The following RIMS1 variants were observed in gnomAD, a reference collection of about 807,000 sequenced individuals.
The protein encoded by RIMS1 is regulating synaptic membrane exocytosis 1.
A neutral mutation model predicts 214.1 loss-of-function variants in RIMS1; 83 were observed. The ratio of observed to expected loss-of-function variants is 0.39; its 90% CI spans 0.32 to 0.47. The LOEUF (loss-of-function observed/expected upper bound fraction) is 0.47, where lower values mean the gene tolerates loss of function less well. RIMS1 is among the 20% of genes least tolerant of loss of function. The pLI is 0.99. For synonymous variants in RIMS1, 793 were observed against 786.8 expected (o/e 1.01, Z -0.13); for missense variants, 2,050 against 2,161.8 (o/e 0.95, Z 1.03).
rs1188387045 is a variant in RIMS1 at position 72,182,758 on chromosome 6, GGCTGAGAGAACT to G, written c.1290_1301del (p.Arg432_Glu435del). 6.5e-7 allele frequency: 1 copy of G among 1,543,862 alleles called. No homozygotes were observed. The highest frequency in any genetic ancestry group is 2.4e-5 in the East Asian group (1 of 41,026). On this transcript the variant is annotated inframe_deletion, in exon 6 of 34. Transcript: ENST00000521978. ...CGCCGGACTCGCCGCGGGCTTACTC[GGCTGAGAGAACT>G]GCGGAGACCAGGGCGCCGGGCGCCA...
intron 4 of RIMS1, among the ~76,000 whole-genome samples, chr6:72,125,641 C>T (rs2039355083): frequency 6.6e-6 from 1 of 152,214 alleles, no homozygotes; most frequent in South Asian, 2.1e-4. Context: ...GTGGGGTCCA[C>T]CCAGTTCGAG....
intron 2 of RIMS1, among the ~76,000 whole-genome samples, chr6:72,026,245 T>A (rs1187319710): frequency 6.6e-6 from 1 of 152,202 alleles, no homozygotes; most frequent in Admixed American, 6.5e-5. Context: ...GTATTGGGCC[T>A]GAAAGAGCAC....
chr6:72,333,686 A>G lies in RIMS1; in HGVS notation c.4217A>G (p.Tyr1406Cys), dbSNP rs2096746633. The G allele has an allele frequency of 1.9e-6, 3 of 1,594,982 alleles. No individual in the cohort carries two copies. Among genetic ancestry groups the G allele is most frequent in the East Asian group, 2.3e-5 (1 of 43,834 alleles). ...AGCACCAGTGTCAGTGGAGAGATGT[A>G]CACACTGGAGCATAATGACGGCAGC... Reference protein sequence around the residue: ...MKSTSVSGEMYTLEHNDGSQS... With the variant: ...MKSTSVSGEMCTLEHNDGSQS... The change falls in exon 29 of 34, where the codon TAC (tyrosine) becomes TGC (cysteine). Residue 1406 changes from tyrosine (Y) to cysteine (C), a missense_variant. Physicochemically the swap from Tyr to Cys is radical, Grantham distance 194. Coordinates refer to ENST00000521978, the MANE Select transcript of RIMS1 (RefSeq NM_014989.7).
At chr6:72,029,233 T>C (rs1478272084) in intron 2 of RIMS1, among the ~76,000 whole-genome samples, 1 of 152,166 alleles carries the variant, frequency 6.6e-6, no homozygotes, top group African/African-American at 2.4e-5. Flanking sequence ...CAGCAAATAT[T>C]TGGATCAAAT....
intron 9 of RIMS1, among the ~76,000 whole-genome samples, chr6:72,241,736 T>A (rs995037190): frequency 2.6e-5 from 4 of 152,208 alleles, no homozygotes; most frequent in African/African-American, 9.6e-5. Flanking sequence ...AATTTTGCCA[T>A]AGCTACCTGC....
chr6:72,196,580 C>CTTT lies in RIMS1; in HGVS notation c.1678+13452_1678+13454dup, dbSNP rs61651151. Among the ~76,000 whole-genome samples the CTTT allele has an allele frequency of 1.9e-3, 109 of 57,206 alleles. 15 individuals carry two copies. The highest frequency in any genetic ancestry group is 6.0e-3 in the African/African-American group (76 of 12,668). 37.5% of individuals were successfully genotyped at this position (57,206 alleles called of 152,430 possible). ...AGTACTGTGCTGGCAGCCAGCTGCA[C>CTTT]TTTTTTTTTTTTTTTTTTTTTTTAC... is the stretch of plus-strand genomic sequence containing the variant. On this transcript the variant is annotated intron_variant, in intron 6 of 33. Transcript: ENST00000521978.
At chr6:72,172,249 T>C (rs1313835956) in intron 4 of RIMS1, among the ~76,000 whole-genome samples, 1 of 150,728 alleles carries the variant, frequency 6.6e-6, no homozygotes, top group Non-Finnish European at 1.5e-5. Context: ...TGGTAAATGA[T>C]CAAAAAAATA....
intron 29 of RIMS1, among the ~76,000 whole-genome samples, chr6:72,356,012 T>C (rs2097627125): frequency 6.6e-6 from 1 of 152,224 alleles, no homozygotes; most frequent in Admixed American, 6.5e-5. Context: ...ATCATTGACG[T>C]AATTCTTCCA....
intron 4 of RIMS1, among the ~76,000 whole-genome samples, chr6:72,173,546 ATTC>A (rs2047320000): frequency 6.6e-6 from 1 of 151,196 alleles, no homozygotes; most frequent in Non-Finnish European, 1.5e-5. Flanking sequence ...TTTCTTTTAA[ATTC>A]TTCTTTTATT....
At chr6:72,390,903 C>T in intron 30 of RIMS1, 167 bp downstream of exon 30, 1 of 574,398 alleles carries the variant, frequency 1.7e-6, no homozygotes, top group Non-Finnish European at 2.9e-6. Context: ...CACATGGACA[C>T]ACCTCTACAC....
intron 29 of RIMS1, among the ~76,000 whole-genome samples, chr6:72,346,522 A>T (rs2097271039): frequency 6.6e-6 from 1 of 151,718 alleles, no homozygotes; most frequent in Admixed American, 6.6e-5. Flanking sequence ...ATGAACTCCC[A>T]GAAGTATGTT....
intron 2 of RIMS1, among the ~76,000 whole-genome samples, chr6:71,992,945 G>A (rs1802340909): frequency 6.6e-6 from 1 of 152,216 alleles, no homozygotes; most frequent in South Asian, 2.1e-4. Flanking sequence ...ACAGGTGTGA[G>A]CCACCATGTC....
chr6:72,319,366 G>A (rs1039469722), intron 28 of RIMS1, among the ~76,000 whole-genome samples: 1 of 152,122 alleles, frequency 6.6e-6, no homozygotes, highest in Admixed American at 6.5e-5. Flanking sequence ...AATGTGGGAG[G>A]TAAAGGTTGA....
chr6:72,025,339 T>C (rs1816097975), intron 2 of RIMS1, among the ~76,000 whole-genome samples: 1 of 152,188 alleles, frequency 6.6e-6, no homozygotes, highest in Admixed American at 6.5e-5. Flanking sequence ...CACTCACACA[T>C]AGTGTGAAGA....
intron 29 of RIMS1, among the ~76,000 whole-genome samples, chr6:72,369,841 A>G (rs1052726760): frequency 1.3e-5 from 2 of 152,206 alleles, no homozygotes; most frequent in Admixed American, 6.5e-5. Context: ...CCAGAAGTCT[A>G]TTGGAAATTA....
At chr6:72,292,111 C>T in intron 26 of RIMS1, 65 bp downstream of exon 26, 1 of 952,828 alleles carries the variant, frequency 1.0e-6, no homozygotes, top group African/African-American at 1.7e-5. Context: ...TATTTATACC[C>T]CTTTTATTAA....
intron 29 of RIMS1, among the ~76,000 whole-genome samples, chr6:72,388,412 C>T (rs2154434160): frequency 6.6e-6 from 1 of 152,268 alleles, no homozygotes; most frequent in Admixed American, 6.5e-5. Flanking sequence ...GTCCAAGGAC[C>T]AGATGATATG....
chr6:72,360,659 A>C (rs993720006), intron 29 of RIMS1, among the ~76,000 whole-genome samples: 1 of 150,162 alleles, frequency 6.7e-6, no homozygotes, highest in East Asian at 1.9e-4. Flanking sequence ...GTGTATATGC[A>C]TACTATATTT....
chr6:72,368,510 G>A (rs1302905788), intron 29 of RIMS1, among the ~76,000 whole-genome samples: 1 of 151,034 alleles, frequency 6.6e-6, no homozygotes, highest in Admixed American at 6.6e-5. Context: ...TAGCCAGGAT[G>A]GTCTCGATCT....
Sources: allele counts gnomAD v4.1 joint callset (sites outside exome capture counted in the v4.1 genomes callset), GRCh38; gene constraint gnomAD v4.1.1; transcripts MANE v1.5; gene names NCBI Gene and HGNC (gene_info 2026-07-23, HGNC 2026-07-21).